Variants in UBXN2A observed in about 807,000 individuals in gnomAD.
UBXN2A encodes the protein UBX domain protein 2A.
A neutral mutation model predicts 28.4 loss-of-function variants in UBXN2A; 28 were observed. The ratio of observed to expected loss-of-function variants is 0.99; its 90% confidence interval spans 0.73 to 1.35. The LOEUF is 1.35. Ranked by LOEUF, UBXN2A falls within the 40% of genes most tolerant of loss-of-function variation. UBXN2A has a pLI of 0.00. For synonymous variants in UBXN2A, 97 were observed against 103.6 expected (o/e 0.94, Z 0.39); for missense variants, 253 against 297.9 (o/e 0.85, Z 1.11).
chr2:23,991,008 C>T (rs1001899673), intron 6 of UBXN2A, among the ~76,000 whole-genome samples: 2 of 152,136 alleles, frequency 1.3e-5, no homozygotes, highest in African/African-American at 4.8e-5. Flanking sequence ...CTAGACAGCT[C>T]TTATATGGGC....
intron 6 of UBXN2A, among the ~76,000 whole-genome samples, chr2:23,989,549 G>A (rs1035022936): frequency 6.7e-6 from 1 of 149,030 alleles, no homozygotes; most frequent in Non-Finnish European, 1.5e-5. Flanking sequence ...CACCACACCC[G>A]GCCTTATTTC....
chr2:23,985,517 G>A (rs1708089068), intron 6 of UBXN2A, among the ~76,000 whole-genome samples: 1 of 152,020 alleles, frequency 6.6e-6, no homozygotes, highest in Admixed American at 6.6e-5. Flanking sequence ...CTCCCAAAGT[G>A]CTAGGATTAC....
At chr2:23,973,530 G>C (rs1707514082) in intron 3 of UBXN2A, among the ~76,000 whole-genome samples, 1 of 151,460 alleles carries the variant, frequency 6.6e-6, no homozygotes. Flanking sequence ...AGTAGAGACA[G>C]GGTTTCACAG....
intron 2 of UBXN2A, among the ~76,000 whole-genome samples, chr2:23,966,464 T>C (rs1707171488): frequency 6.8e-6 from 1 of 147,708 alleles, no homozygotes; most frequent in Non-Finnish European, 1.5e-5. Flanking sequence ...TTCTTTTTTT[T>C]TTTTTTGAGA....
At chr2:23,964,385 T>C (rs189956554) in intron 2 of UBXN2A, among the ~76,000 whole-genome samples, 6 of 152,268 alleles carry the variant, frequency 3.9e-5, no homozygotes, top group African/African-American at 9.6e-5. Context: ...TAATTTTGTA[T>C]TTTTAGTAGG....
At chr2:23,985,642 C>T (rs1029445684) in intron 6 of UBXN2A, among the ~76,000 whole-genome samples, 1 of 151,262 alleles carries the variant, frequency 6.6e-6, no homozygotes, top group Non-Finnish European at 1.5e-5. Context: ...CTCTGTCACC[C>T]AGGCTGGAGT....
chr2:23,978,913 A>C (rs1707785593), intron 4 of UBXN2A, among the ~76,000 whole-genome samples: 1 of 151,184 alleles, frequency 6.6e-6, no homozygotes, highest in Admixed American at 6.6e-5. Context: ...TGGTGAGCCA[A>C]GATCACAGCA....
chr2:23,934,749 AAATAAAG>A (rs1455919740), intron 1 of UBXN2A, among the ~76,000 whole-genome samples: 1 of 152,186 alleles, frequency 6.6e-6, no homozygotes, highest in African/African-American at 2.4e-5. Flanking sequence ...TACCAGAAGG[AAATAAAG>A]AATAGAGTGG....
chr2:23,928,204 A>AGAAAGGAAGAAAGAAAG (rs1705181679), intron 1 of UBXN2A, among the ~76,000 whole-genome samples: 1 of 151,258 alleles, frequency 6.6e-6, no homozygotes, highest in Non-Finnish European at 1.5e-5. Context: ...AAAGAGAGAG[A>AGAAAGGAAGAAAGAAAG]GAAAGGAAGA....
intron 1 of UBXN2A, 87 bp downstream of exon 1, chr2:23,940,735 C>T (rs1362138760): frequency 6.6e-6 from 1 of 151,896 alleles, no homozygotes; most frequent in African/African-American, 2.4e-5. Context: ...GGGTCGCGGC[C>T]TGTGGCTTGG....
At chr2:23,948,401 C>T (rs1021948159) in intron 1 of UBXN2A, among the ~76,000 whole-genome samples, 4 of 151,182 alleles carry the variant, frequency 2.6e-5, no homozygotes, top group Admixed American at 6.6e-5. Flanking sequence ...TACAGGCATG[C>T]GCCACCATGC....
chr2:23,948,500 AC>A (rs908037866), intron 1 of UBXN2A, among the ~76,000 whole-genome samples: 16 of 150,404 alleles, frequency 1.1e-4, no homozygotes, highest in African/African-American at 3.9e-4. Flanking sequence ...CGATCTGCCC[AC>A]CTCGGCCTCC....
chr2:23,957,234 A>G (rs72796402), intron 1 of UBXN2A, among the ~76,000 whole-genome samples: 15,611 of 152,038 alleles, frequency 0.1, 911 homozygotes, highest in Middle Eastern at 0.17. Context: ...CCTGGGCTCA[A>G]GTTATCCTCC....
At chr2:23,937,914 G>A (rs564028583), upstream of UBXN2A, among the ~76,000 whole-genome samples, 14 of 152,030 alleles carry the variant, frequency 9.2e-5, no homozygotes, top group East Asian at 5.8e-4. Context: ...CCTTGCTCCC[G>A]GGCTACAAAC....
intron 1 of UBXN2A, among the ~76,000 whole-genome samples, chr2:23,930,169 T>C (rs572389681): frequency 6.6e-6 from 1 of 152,324 alleles, no homozygotes; most frequent in East Asian, 1.9e-4. Flanking sequence ...ATTACAGGTG[T>C]GAGCCACTGC....
intron 1 of UBXN2A, among the ~76,000 whole-genome samples, chr2:23,946,331 T>C (rs1362337652): frequency 6.7e-6 from 1 of 148,576 alleles, no homozygotes; most frequent in African/African-American, 2.5e-5. Flanking sequence ...TTTTTGTTTT[T>C]TGTTGTTTTT....
At chr2:23,933,536 A>G (rs1284095810) in intron 1 of UBXN2A, among the ~76,000 whole-genome samples, 1 of 152,120 alleles carries the variant, frequency 6.6e-6, no homozygotes, top group African/African-American at 2.4e-5. Flanking sequence ...AAAAGAATAA[A>G]GTATTCTTAA....
chr2:23,956,297 C>T (rs996667465), intron 1 of UBXN2A, among the ~76,000 whole-genome samples: 9 of 151,890 alleles, frequency 5.9e-5, no homozygotes, highest in African/African-American at 2.2e-4. Context: ...GAATGGGAGC[C>T]CCTTCAGAGT....
At chr2:23,960,410 A>C (rs2150839318) in intron 2 of UBXN2A, among the ~76,000 whole-genome samples, 1 of 152,200 alleles carries the variant, frequency 6.6e-6, no homozygotes, top group East Asian at 1.9e-4. Context: ...TGGTAAAATT[A>C]ACTTAGAACA....
Sources: gnomAD v4.1 joint callset for allele counts (sites outside exome capture counted in the v4.1 genomes callset) on GRCh38, gnomAD v4.1.1 for gene constraint, MANE v1.5 for transcripts, NCBI Gene and HGNC (gene_info 2026-07-23, HGNC 2026-07-21) for gene names.